OSBPL3: variants seen among roughly 807,000 people sequenced by gnomAD.
The protein encoded by OSBPL3 is oxysterol binding protein like 3, also known as oxysterol-binding protein-related protein 3.
Under a neutral mutation model 120.1 loss-of-function variants are expected in OSBPL3, and 65 were observed. The ratio of observed to expected loss-of-function variants is 0.54; its 90% CI spans 0.44 to 0.67. The LOEUF (loss-of-function observed/expected upper bound fraction) is 0.67, where lower values mean the gene tolerates loss of function less well. OSBPL3 is among the 30% of genes least tolerant of loss of function. The pLI, the probability that OSBPL3 is intolerant of heterozygous loss-of-function variation, is 0.00. For missense variants in OSBPL3, 1,004 were observed against 1,082.1 expected, an observed-to-expected ratio of 0.93 and a Z score of 1.01; for synonymous variants, 416 against 402.6, an observed-to-expected ratio of 1.03 and a Z score of -0.40.
At chr7:24,832,924 C>A (rs1363263561) in intron 15 of OSBPL3, among the ~76,000 whole-genome samples, 1 of 152,190 alleles carries the variant, frequency 6.6e-6, no homozygotes, top group African/African-American at 2.4e-5. Context: ...CCTCAAACCT[C>A]TGCTCAAGGT....
In OSBPL3 at chr7:24,944,174, A is replaced by T. The variant is rs6972578; in HGVS notation, c.-150+35712T>A. ...ACTTGAAGAGATTACTGGATTCTTC[A>T]TATTCTAAAATAAGATGTCTGGTTA... On this transcript the variant is annotated intron_variant, in intron 1 of 22. Coordinates refer to ENST00000313367, the MANE Select transcript of OSBPL3 (RefSeq NM_015550.4). 2.0e-5 allele frequency among the ~76,000 whole-genome samples: 3 copies of T among 151,928 alleles called. No individual in the cohort carries two copies. The East Asian group carries it at 5.8e-4, about 29-fold the overall frequency.
intron 14 of OSBPL3, among the ~76,000 whole-genome samples, chr7:24,839,982 T>C (rs1584321971): frequency 1.5e-5 from 1 of 68,268 alleles, no homozygotes; most frequent in Admixed American, 2.7e-4. Context: ...AGAAAGAGAC[T>C]CCATCTCACA....
chr7:24,951,705 C>T (rs187025222), intron 1 of OSBPL3, among the ~76,000 whole-genome samples: 76 of 152,274 alleles, frequency 5.0e-4, no homozygotes, highest in Middle Eastern at 3.4e-3. Flanking sequence ...TTTTGTTCTT[C>T]CATGTAAGGG....
chr7:24,820,120 T>G lies in OSBPL3; in HGVS notation c.1948+55A>C. 1 of 1,264,370 alleles carries G rather than the reference T, an allele frequency of 7.9e-7. No individual in the cohort carries two copies. The highest frequency in any genetic ancestry group is 1.3e-5 in the South Asian group (1 of 78,030). 78.3% of individuals were successfully genotyped at this position (1,264,370 alleles called of 1,614,324 possible). ...AATTGACAGCAATTCTTGGATAAAA[T>G]AAATAGATAACATATTACACAATAT... On this transcript the variant is annotated intron_variant, in intron 17 of 22. Transcript: ENST00000313367. This position sits in a 1 kb window ranked among gnomAD's most constrained non-coding sequence, Gnocchi z 4.6.
At chr7:24,911,761 A>G (rs976308504) in intron 1 of OSBPL3, among the ~76,000 whole-genome samples, 3 of 152,204 alleles carry the variant, frequency 2.0e-5, no homozygotes, top group Admixed American at 1.3e-4. Flanking sequence ...AAAGGGATAC[A>G]GGAAGTTTTA....
rs748501860 is a variant in OSBPL3 at position 24,968,201 on chromosome 7, T to G, written c.-150+11685A>C. ...ATTTTTATATATACAGTGAGTACAA[T>G]TAAATGTTTATCAACCAGCTCTCTG... On this transcript the variant is annotated intron_variant, in intron 1 of 22. Coordinates refer to ENST00000313367, the MANE Select transcript of OSBPL3 (RefSeq NM_015550.4). The surrounding 1 kb of genome is among the most constrained non-coding windows in gnomAD (Gnocchi z 4.6). Among the ~76,000 whole-genome samples, 4,973 of 152,296 alleles carry G rather than the reference T, an allele frequency of 0.033. 136 individuals carry two copies. The highest frequency in any genetic ancestry group is 0.053 in the Non-Finnish European group (3,602 of 68,014).
At chr7:24,838,671 T>C (rs574238611) in intron 14 of OSBPL3, among the ~76,000 whole-genome samples, 2 of 152,314 alleles carry the variant, frequency 1.3e-5, no homozygotes, top group African/African-American at 4.8e-5. Context: ...TCCATTAACT[T>C]TGTGCTTCCT....
intron 13 of OSBPL3, among the ~76,000 whole-genome samples, chr7:24,842,042 A>G (rs934569581): frequency 5.9e-5 from 9 of 152,144 alleles, no homozygotes; most frequent in Non-Finnish European, 8.8e-5. Context: ...CAAATTTAAC[A>G]TATCAAGTTA....
At chr7:24,928,384 G>A (rs1313501954) in intron 1 of OSBPL3, among the ~76,000 whole-genome samples, 2 of 151,924 alleles carry the variant, frequency 1.3e-5, no homozygotes, top group South Asian at 2.1e-4. Context: ...GTAGAGACGG[G>A]GTTTCACCGT....
intron 9 of OSBPL3, 133 bp from the exon 10 acceptor site, chr7:24,861,902 G>GT (rs1800605576): frequency 1.9e-6 from 1 of 521,164 alleles, no homozygotes; most frequent in South Asian, 3.1e-5. Context: ...TTTTTTTTTG[G>GT]GGGGGATGGA....
rs1800679053 is a variant in OSBPL3, at chr7:24,862,304, T to G, written c.871-535A>C. On this transcript the variant is annotated intron_variant, in intron 9 of 22. Coordinates refer to ENST00000313367, the MANE Select transcript of OSBPL3 (RefSeq NM_015550.4). This position sits in a 1 kb window ranked among gnomAD's most constrained non-coding sequence, Gnocchi z 4.4. ...ATGGGTGAGAAATCACATATTCTTT[T>G]GGAAATGATAGAAGCATTAAAGCTA... Among the ~76,000 whole-genome samples, 1 of 152,220 alleles carries G rather than the reference T, an allele frequency of 6.6e-6. No homozygotes were observed. The highest frequency in any genetic ancestry group is 1.5e-5 in the Non-Finnish European group (1 of 68,042).
chr7:24,828,058 TC>T (rs1764112094), intron 16 of OSBPL3, among the ~76,000 whole-genome samples: 1 of 152,102 alleles, frequency 6.6e-6, no homozygotes, highest in South Asian at 2.1e-4. Flanking sequence ...GGAGTCTTGC[TC>T]TGTTGCCCAG....
chr7:24,966,952 T>C lies in OSBPL3; in HGVS notation c.-150+12934A>G, dbSNP rs909811551. Among the ~76,000 whole-genome samples, 2 of 152,136 alleles carry C rather than the reference T, an allele frequency of 1.3e-5. No homozygotes were observed. The highest frequency in any genetic ancestry group is 2.9e-5 in the Non-Finnish European group (2 of 67,966). On this transcript the variant is annotated intron_variant, in intron 1 of 22. Transcript: ENST00000313367. The surrounding 1 kb of genome is among the most constrained non-coding windows in gnomAD (Gnocchi z 4.8). The stretch of plus-strand genomic sequence containing the variant: ...CATTCACAGTCTTCTGGAAAATATA[T>C]GAAAAACATCCCCTAAGTGACTAAT...
chr7:24,850,647 C>T (rs527665674), intron 11 of OSBPL3, among the ~76,000 whole-genome samples: 2 of 152,326 alleles, frequency 1.3e-5, no homozygotes, highest in East Asian at 1.9e-4. Flanking sequence ...TAAGATCACA[C>T]AGCCACATAT....
In OSBPL3 at chr7:24,864,016, A is replaced by G. The variant is rs79129979; in HGVS notation, c.674-417T>C. Among the ~76,000 whole-genome samples, 68 of 152,300 alleles carry G rather than the reference A, an allele frequency of 4.5e-4. No homozygotes were observed. In the East Asian group the frequency reaches 0.012, roughly 27 times the overall value. On this transcript the variant is annotated intron_variant, in intron 7 of 22. Transcript: ENST00000313367. ...ACCATCATCATCATCATCATCACCA[A>G]CTTAAATCCTGTAGTAATATGCTGA...
Position 24,835,596 on chromosome 7 carries a change from A to C in OSBPL3, c.1496-860T>G, listed in dbSNP as rs1176773057. Among the ~76,000 whole-genome samples, 2 of 152,206 alleles carry C rather than the reference A, an allele frequency of 1.3e-5. No homozygotes were observed. The highest frequency in any genetic ancestry group is 2.9e-5 in the Non-Finnish European group (2 of 68,034). On this transcript the variant is annotated intron_variant, in intron 14 of 22. Transcript: ENST00000313367. This position sits in a 1 kb window ranked among gnomAD's most constrained non-coding sequence, Gnocchi z 4.8. Reference sequence around the variant, plus strand: ...CCAAAGGAATATATATTGTTCTACCATAAAGACGCATGCACGTGTATGTTT... The same window carrying C: ...CCAAAGGAATATATATTGTTCTACCCTAAAGACGCATGCACGTGTATGTTT...
intron 1 of OSBPL3, among the ~76,000 whole-genome samples, chr7:24,976,752 A>G (rs972296521): frequency 6.6e-6 from 1 of 152,184 alleles, no homozygotes. Flanking sequence ...CTGGAGTACT[A>G]CTGAAATAGA....
rs1420231878 is a variant in OSBPL3 at position 24,867,891 on chromosome 7, T to C, written c.382-1654A>G. On this transcript the variant is annotated intron_variant, in intron 5 of 22. Coordinates refer to ENST00000313367, the MANE Select transcript of OSBPL3 (RefSeq NM_015550.4). The surrounding 1 kb of genome is among the most constrained non-coding windows in gnomAD (Gnocchi z 4.5). ...TAGCCATCTCTCCATAAATGAACAATTATCGATTTCTAATTTCCATGAAGA... is the reference window on the plus strand; with the variant it reads ...TAGCCATCTCTCCATAAATGAACAACTATCGATTTCTAATTTCCATGAAGA... 1.3e-5 allele frequency among the ~76,000 whole-genome samples: 2 copies of C among 152,204 alleles called. No homozygotes were observed. The highest frequency in any genetic ancestry group is 4.8e-5 in the African/African-American group (2 of 41,444).
rs1458531839 is a variant in OSBPL3 at position 24,892,239 on chromosome 7, C to T, written c.96+138G>A. 5.5e-6 allele frequency: 4 copies of T among 724,046 alleles called. No individual in the cohort carries two copies. The Admixed American group carries it at 9.1e-5, about 17-fold the overall frequency. 44.9% of individuals were successfully genotyped at this position (724,046 alleles called of 1,614,324 possible). On this transcript the variant is annotated intron_variant, in intron 2 of 22. Transcript: ENST00000313367. ...TTAAAATTATACAGAATTTACTCTC[C>T]TCATACAGTCAAGAGATAACCAAAA...
Sources: allele counts gnomAD v4.1 joint callset (sites outside exome capture counted in the v4.1 genomes callset), GRCh38; gene constraint gnomAD v4.1.1; non-coding constraint Gnocchi (gnomAD v3.1); transcripts MANE v1.5; gene names NCBI Gene and HGNC (gene_info 2026-07-23, HGNC 2026-07-21).